CGGBP1: variants seen among roughly 807,000 people sequenced by gnomAD.
CGGBP1 encodes CGG triplet repeat binding protein 1, also known as CGG triplet repeat-binding protein 1.
Under a neutral mutation model 11.4 loss-of-function variants are expected in CGGBP1, and 4 were observed. That is an observed-to-expected ratio of 0.35 (90% CI 0.17 to 0.80). The LOEUF is 0.80. CGGBP1 is among the 30% of genes least tolerant of loss of function. The probability of loss-of-function intolerance (pLI) is 0.52; values close to 1 mark genes in which losing one functional copy is unlikely to be tolerated. For missense variants in CGGBP1, 135 were observed against 202.1 expected, an observed-to-expected ratio of 0.67 and a Z score of 2.01; for synonymous variants, 76 against 74.1, an observed-to-expected ratio of 1.03 and a Z score of -0.13.
At chr3:88,115,390 G>A (rs1219194614) in intron 2 of CGGBP1, among the ~76,000 whole-genome samples, 1 of 152,160 alleles carries the variant, frequency 6.6e-6, no homozygotes, top group Non-Finnish European at 1.5e-5. Flanking sequence ...TAAAATGGAG[G>A]CAATAACTAT....
chr3:88,069,151 G>A (rs1456226396), intron 2 of CGGBP1, among the ~76,000 whole-genome samples: 1 of 9,090 alleles, frequency 1.1e-4, no homozygotes, highest in African/African-American at 1.6e-4. Flanking sequence ...GCCAGGCGCC[G>A]TGGCTTACAC....
intron 2 of CGGBP1, among the ~76,000 whole-genome samples, chr3:88,093,920 C>T (rs1446548255): frequency 3.9e-5 from 6 of 152,152 alleles, no homozygotes; most frequent in Admixed American, 6.6e-5. Flanking sequence ...TGCCCATCTC[C>T]ACAGCATCTA....
intron 2 of CGGBP1, among the ~76,000 whole-genome samples, chr3:88,075,580 T>A (rs946225380): frequency 5.9e-5 from 9 of 152,238 alleles, no homozygotes; most frequent in African/African-American, 2.2e-4. Context: ...TTCTTTGCTC[T>A]GCTTTTAATT....
At chr3:88,145,783 G>T (rs989589617) in intron 1 of CGGBP1, among the ~76,000 whole-genome samples, 3 of 152,142 alleles carry the variant, frequency 2.0e-5, no homozygotes, top group African/African-American at 7.2e-5. Context: ...ACATTGGGGG[G>T]AAGAAATGGC....
intron 2 of CGGBP1, among the ~76,000 whole-genome samples, chr3:88,089,572 G>A (rs1329810821): frequency 6.6e-6 from 1 of 152,030 alleles, no homozygotes; most frequent in African/African-American, 2.4e-5. Context: ...TCTGAATCTA[G>A]AGAATAAAAT....
chr3:88,058,286 G>C (rs1474551405), intron 1 of CGGBP1, 63 bp from the exon 2 acceptor site: 1 of 152,370 alleles, frequency 6.6e-6, no homozygotes, highest in Non-Finnish European at 1.5e-5. Flanking sequence ...TGACTGAAAA[G>C]ATGAACAAGA....
intron 2 of CGGBP1, chr3:88,095,702 G>A: frequency 5.0e-6 from 2 of 401,556 alleles, no homozygotes; most frequent in South Asian, 2.0e-5. Context: ...TGAGAAATTG[G>A]ATTTCTTTGC....
chr3:88,125,257 A>G (rs1304171027), intron 2 of CGGBP1, among the ~76,000 whole-genome samples: 1 of 151,962 alleles, frequency 6.6e-6, no homozygotes, highest in Non-Finnish European at 1.5e-5. Flanking sequence ...AATATCTAAT[A>G]AAGTATGTAA....
intron 2 of CGGBP1, among the ~76,000 whole-genome samples, chr3:88,112,656 T>C (rs1487935483): frequency 2.0e-5 from 3 of 152,040 alleles, no homozygotes; most frequent in African/African-American, 7.2e-5. Context: ...CCGAGAGTTT[T>C]ATGGTGATTT....
intron 2 of CGGBP1, among the ~76,000 whole-genome samples, chr3:88,112,280 CA>C (rs995688762): frequency 2.8e-5 from 2 of 72,274 alleles, no homozygotes; most frequent in Non-Finnish European, 7.0e-5. Context: ...TGATTAAAAG[CA>C]AAAACTATTA....
chr3:88,063,183 C>A (rs1706984764), upstream of CGGBP1, among the ~76,000 whole-genome samples: 1 of 152,086 alleles, frequency 6.6e-6, no homozygotes, highest in Non-Finnish European at 1.5e-5. Context: ...TACTGAACAT[C>A]CTGCAGTGCA....
chr3:88,117,128 A>G (rs184008724), intron 2 of CGGBP1, among the ~76,000 whole-genome samples: 103 of 152,354 alleles, frequency 6.8e-4, no homozygotes, highest in Middle Eastern at 6.8e-3. Context: ...AGATGGAACT[A>G]TCAAATTGAA....
At chr3:88,070,996 T>C (rs1469358481) in intron 2 of CGGBP1, among the ~76,000 whole-genome samples, 2 of 152,130 alleles carry the variant, frequency 1.3e-5, no homozygotes, top group Non-Finnish European at 2.9e-5. Context: ...GGGAAAGATA[T>C]AAAACGTAGG....
At chr3:88,126,287 A>G (rs1706092935) in intron 2 of CGGBP1, 3 of 1,451,746 alleles carry the variant, frequency 2.1e-6, no homozygotes, top group Non-Finnish European at 2.7e-6. Flanking sequence ...AGGAGATTCA[A>G]AATCAAACCA....
At chr3:88,141,245 A>C (rs1476579715) in intron 1 of CGGBP1, among the ~76,000 whole-genome samples, 1 of 152,142 alleles carries the variant, frequency 6.6e-6, no homozygotes, top group Non-Finnish European at 1.5e-5. Context: ...TAGATCAAGC[A>C]ACTGAAATTC....
chr3:88,068,308 C>A (rs4858985), intron 2 of CGGBP1, among the ~76,000 whole-genome samples: 119,034 of 151,898 alleles, frequency 0.78, 47,549 homozygotes, highest in South Asian at 0.91. Context: ...AACTTTGAGA[C>A]AGAAAGGGAC....
At position 88,055,723 on chromosome 3, in the gene CGGBP1, G is replaced by A. The variant is rs1299357473; in HGVS notation, c.254C>T (p.Pro85Leu). Residue 85 changes from proline to leucine, a missense_variant, in exon 4 of 4, where the codon CCC (proline) becomes CTC (leucine). Transcript: ENST00000482016. This position sits in a 1 kb window ranked among gnomAD's most constrained non-coding sequence, Gnocchi z 4.2. ...EEQNVRKKQR[P>L]LTASLQCNST... ...GTTGCACTGAAGAGATGCAGTTAGG[G>A]GCCTCTGCTTCTTTCTCACATTCTG... 6.2e-7 allele frequency: 1 copy of A among 1,614,006 alleles called. No homozygotes were observed. Among genetic ancestry groups the A allele is most frequent in the East Asian group, 2.2e-5 (1 of 44,894 alleles).
chr3:88,097,332 A>G (rs2107701384), intron 2 of CGGBP1, among the ~76,000 whole-genome samples: 1 of 152,124 alleles, frequency 6.6e-6, no homozygotes, highest in South Asian at 2.1e-4. Flanking sequence ...AAGGTAAGAG[A>G]GAACCAGTTT....
chr3:88,123,123 C>T (rs367706050), intron 2 of CGGBP1, among the ~76,000 whole-genome samples: 14 of 152,014 alleles, frequency 9.2e-5, no homozygotes, highest in Admixed American at 2.6e-4. Context: ...TTATTCACTT[C>T]GAGGTTTTAA....
Sources: allele counts gnomAD v4.1 joint callset (sites outside exome capture counted in the v4.1 genomes callset), GRCh38; gene constraint gnomAD v4.1.1; non-coding constraint Gnocchi (gnomAD v3.1); transcripts MANE v1.5; gene names NCBI Gene and HGNC (gene_info 2026-07-23, HGNC 2026-07-21).